The following WDFY3 variants were observed in gnomAD, a reference collection of about 807,000 sequenced individuals.
WDFY3 encodes the protein WD repeat and FYVE domain-containing protein 3.
WDFY3 carries 66 observed loss-of-function variants against 409.6 expected under a neutral mutation model. The ratio of observed to expected loss-of-function variants is 0.16; its 90% CI spans 0.13 to 0.20. The LOEUF is 0.20. Ranked by LOEUF, WDFY3 falls within the 10% of genes least tolerant of loss-of-function variation. The pLI is 1.00. For synonymous variants in WDFY3, 1,521 were observed against 1,537.1 expected (o/e 0.99, Z 0.25); for missense variants, 3,031 against 4,298.1 (o/e 0.71, Z 8.24).
chr4:84,831,699 A>G, intron 7 of WDFY3, 94 bp from the exon 8 acceptor site: 1 of 1,135,212 alleles, frequency 8.8e-7, no homozygotes, highest in Non-Finnish European at 1.2e-6. Flanking sequence ...GACTGCTCTC[A>G]AAAGAAGACA....
intron 1 of WDFY3, among the ~76,000 whole-genome samples, chr4:84,962,585 A>G (rs1310490461): frequency 6.6e-6 from 1 of 152,120 alleles, no homozygotes; most frequent in East Asian, 1.9e-4. Context: ...AGACTATCCA[A>G]TTATAGACAT....
chr4:84,682,102 C>T (rs1727460273), intron 64 of WDFY3, among the ~76,000 whole-genome samples: 1 of 152,148 alleles, frequency 6.6e-6, no homozygotes, highest in Non-Finnish European at 1.5e-5. Flanking sequence ...GAAGTGAAAG[C>T]CAAAGCCTTT....
At chr4:84,718,389 C>A in intron 48 of WDFY3, 33 bp downstream of exon 48, 1 of 1,583,482 alleles carries the variant, frequency 6.3e-7, no homozygotes, top group Non-Finnish European at 8.6e-7. Context: ...CTAAAGATAG[C>A]CATACATTAT....
chr4:84,681,736 G>C (rs1170445384), intron 64 of WDFY3, among the ~76,000 whole-genome samples: 3 of 151,940 alleles, frequency 2.0e-5, no homozygotes, highest in Non-Finnish European at 2.9e-5. Flanking sequence ...TACATCAAAG[G>C]GGGCGGCTTC....
chr4:84,925,419 G>A (rs1332956303), intron 2 of WDFY3, among the ~76,000 whole-genome samples: 2 of 151,964 alleles, frequency 1.3e-5, no homozygotes, highest in African/African-American at 4.8e-5. Flanking sequence ...TGGACAATGT[G>A]GATTTTTACA....
At chr4:84,782,839 C>T in intron 25 of WDFY3, 124 bp downstream of exon 25, 1 of 723,450 alleles carries the variant, frequency 1.4e-6, no homozygotes, top group Admixed American at 2.7e-5. Flanking sequence ...CTGAATACTG[C>T]ACGTACACTA....
chr4:84,961,984 C>T lies in WDFY3; in HGVS notation c.-226+4225G>A, dbSNP rs950819266. On this transcript the variant is annotated intron_variant, in intron 1 of 67. Transcript: ENST00000295888. ...CTCAAGAAAACTGAACATTTTTGTC[C>T]CTCACATAGACCTGTATGCAAATGT... Among the ~76,000 whole-genome samples, 8 of 152,248 alleles carry T rather than the reference C, an allele frequency of 5.3e-5. No individual in the cohort carries two copies. In the South Asian group the frequency reaches 1.7e-3, roughly 32 times the overall value.
At chr4:84,727,882 T>C (rs1379379327) in intron 44 of WDFY3, among the ~76,000 whole-genome samples, 1 of 152,192 alleles carries the variant, frequency 6.6e-6, no homozygotes, top group Admixed American at 6.5e-5. Flanking sequence ...GTATATCTTA[T>C]ATTGAAAAAT....
Position 84,696,585 on chromosome 4 carries a change from G to T in WDFY3, c.8688+147C>A, listed in dbSNP as rs144454499. On this transcript the variant is annotated intron_variant, in intron 57 of 67. Coordinates refer to ENST00000295888, the MANE Select transcript of WDFY3 (RefSeq NM_014991.6). ...TATTCCTGGTTTCAGGCATCAACTG[G>T]GGTTCTTGGGATGTATCCCCTGTAG... 5.7e-4 allele frequency: 376 copies of T among 665,334 alleles called. 1 individual carries two copies. The African/African-American group carries it at 5.9e-3, about 10-fold the overall frequency. The allele number at this position is 665,334 out of a possible 1,614,324, so 41.2% of individuals were successfully genotyped here. A position where few individuals can be genotyped will look rare whatever the true frequency, so the allele number is the denominator to read the frequency against.
At chr4:84,816,487 A>C (rs537072297) in intron 13 of WDFY3, among the ~76,000 whole-genome samples, 1 of 152,264 alleles carries the variant, frequency 6.6e-6, no homozygotes, top group East Asian at 1.9e-4. Context: ...TATTTTTATC[A>C]TAAGGATTAA....
chr4:84,704,409 A>G lies in WDFY3; in HGVS notation c.8371T>C (p.Ser2791Pro). Residue 2791 changes from serine to proline, a missense_variant, in exon 55 of 68, where the codon TCA becomes CCA. Ser to Pro is a moderately conservative substitution (Grantham distance 74). Coordinates refer to ENST00000295888, the MANE Select transcript of WDFY3 (RefSeq NM_014991.6). ...TPAYHYGTHY[S>P]SAMIVASYLV... ...TATGAGGCCACAATCATTGCAGATG[A>G]ATAGTGGGTCCCATAGTGGTATGCA... is the stretch of plus-strand genomic sequence containing the variant. 1 of 1,613,264 alleles carries G rather than the reference A, an allele frequency of 6.2e-7. No individual in the cohort carries two copies.
At position 84,826,916 on chromosome 4, in the gene WDFY3, G is replaced by C. The variant is rs759634618; in HGVS notation, c.1022C>G (p.Ser341Cys). 7.4e-6 allele frequency: 12 copies of C among 1,610,880 alleles called. No homozygotes were observed. The highest frequency in any genetic ancestry group is 7.6e-6 in the Non-Finnish European group (9 of 1,179,156). ...ALKDLVNLIT[S>C]LTTYGVSELK... ...TTCACTGACACCATATGTTGTTAGGGAAGTTATCAGATTAACCAGATCTTT... is the reference window on the plus strand; with the variant it reads ...TTCACTGACACCATATGTTGTTAGGCAAGTTATCAGATTAACCAGATCTTT... Residue 341 changes from serine (S) to cysteine (C), a missense_variant, in exon 10 of 68, where the codon TCC becomes TGC. Coordinates refer to ENST00000295888, the MANE Select transcript of WDFY3 (RefSeq NM_014991.6).
intron 2 of WDFY3, among the ~76,000 whole-genome samples, chr4:84,913,135 T>G (rs1214975182): frequency 2.6e-5 from 4 of 152,156 alleles, no homozygotes; most frequent in Non-Finnish European, 5.9e-5. Context: ...AAGGGTCTAC[T>G]TGAACCCAAA....
At chr4:84,935,051 GTTCA>G (rs1340435930) in intron 1 of WDFY3, among the ~76,000 whole-genome samples, 1 of 152,068 alleles carries the variant, frequency 6.6e-6, no homozygotes, top group African/African-American at 2.4e-5. Context: ...TATAGTTGTA[GTTCA>G]TTCATTTTCA....
In WDFY3 at chr4:84,780,118, T is replaced by C. The variant is rs767705674; in HGVS notation, c.4355A>G (p.Lys1452Arg). The C allele has an allele frequency of 3.1e-6, 5 of 1,601,754 alleles. No individual in the cohort carries two copies. The highest frequency in any genetic ancestry group is 4.3e-6 in the Non-Finnish European group (5 of 1,174,508). The change falls in exon 26 of 68, where the codon AAG (lysine) becomes AGG (arginine). Residue 1452 changes from lysine to arginine, a missense_variant. Lys to Arg is a conservative substitution (Grantham distance 26). Coordinates refer to ENST00000295888, the MANE Select transcript of WDFY3 (RefSeq NM_014991.6). ...PLASKEMERIKGYQLLAMLLK... is the reference protein window; with the variant it reads ...PLASKEMERIRGYQLLAMLLK... Reference sequence around the variant, plus strand: ...TTTACAGTTACAAACCTGGTAGCCCTTGATTCTTTCCATTTCTTTGCTGGC... The same window carrying C: ...TTTACAGTTACAAACCTGGTAGCCCCTGATTCTTTCCATTTCTTTGCTGGC...
Position 84,926,164 on chromosome 4 carries a change from C to CA in WDFY3, c.-132+6105dup, listed in dbSNP as rs1769959696. On this transcript the variant is annotated intron_variant, in intron 2 of 67. Transcript: ENST00000295888. ...AGCTTTCAGTGAGCCAAGATCGCGC[C>CA]ACCGCACTCCAGCCTGGGCGACAGA... Among the ~76,000 whole-genome samples the CA allele has an allele frequency of 2.1e-5, 3 of 142,274 alleles. No individual in the cohort carries two copies. The East Asian group carries it at 6.4e-4, about 31-fold the overall frequency. The allele number at this position is 142,274 out of a possible 152,430, so 93.3% of individuals were successfully genotyped here.
chr4:84,827,224 A>G (rs561636800), intron 9 of WDFY3, among the ~76,000 whole-genome samples: 5 of 152,296 alleles, frequency 3.3e-5, no homozygotes, highest in African/African-American at 4.8e-5. Flanking sequence ...TCCCCTTAAA[A>G]GAAGTAATTA....
rs1386632449 is a variant in WDFY3 at position 84,922,635 on chromosome 4, T to A, written c.-132+9635A>T. The stretch of plus-strand genomic sequence containing the variant: ...TTTTTTTTTTTAATCTTATTGCTTT[T>A]ACCGAGGCAAAGTCTGTTTTGTTGT... On this transcript the variant is annotated intron_variant, in intron 2 of 67. Transcript: ENST00000295888. Among the ~76,000 whole-genome samples, 5 of 152,218 alleles carry A rather than the reference T, an allele frequency of 3.3e-5. No homozygotes were observed. In the Middle Eastern group the frequency reaches 0.01, roughly 311 times the overall value.
chr4:84,782,811 G>T, intron 25 of WDFY3, 152 bp downstream of exon 25: 1 of 600,858 alleles, frequency 1.7e-6, no homozygotes, highest in Non-Finnish European at 2.9e-6. Context: ...TGGAATTTGA[G>T]ATTGTTACAT....
Sources: gnomAD v4.1 joint callset for allele counts (sites outside exome capture counted in the v4.1 genomes callset) on GRCh38, gnomAD v4.1.1 for gene constraint, MANE v1.5 for transcripts, NCBI Gene and HGNC (gene_info 2026-07-23, HGNC 2026-07-21) for gene names.